Variants in SLC36A2 observed in about 807,000 individuals in gnomAD.
SLC36A2 encodes proton-coupled amino acid transporter 2.
Under a neutral mutation model 42.7 loss-of-function variants are expected in SLC36A2, and 39 were observed. That is an observed-to-expected ratio of 0.91 (90% CI 0.71 to 1.19). The LOEUF is 1.19. Ranked by LOEUF, SLC36A2 falls within the 50% of genes most tolerant of loss-of-function variation. The pLI is 0.00. For synonymous variants in SLC36A2, 237 were observed against 240.8 expected, an observed-to-expected ratio of 0.98 and a Z score of 0.15; for missense variants, 590 against 613.7, an observed-to-expected ratio of 0.96 and a Z score of 0.41.
intron 7 of SLC36A2, among the ~76,000 whole-genome samples, chr5:151,326,721 C>A (rs1020195742): frequency 6.6e-6 from 1 of 152,154 alleles, no homozygotes; most frequent in Non-Finnish European, 1.5e-5. Flanking sequence ...CCTTCTCCTA[C>A]TCCTTGTTCA....
chr5:151,321,150 T>G (rs1433003301), intron 9 of SLC36A2, among the ~76,000 whole-genome samples: 1 of 27,178 alleles, frequency 3.7e-5, no homozygotes, highest in African/African-American at 1.5e-4. Context: ...ATGATTTATT[T>G]ATTTATTTAT....
intron 7 of SLC36A2, among the ~76,000 whole-genome samples, chr5:151,327,048 C>G (rs1755873362): frequency 6.6e-6 from 1 of 152,074 alleles, no homozygotes; most frequent in South Asian, 2.1e-4. Context: ...CTCTTGGGCT[C>G]AAGCGATCCT....
intron 1 of SLC36A2, 113 bp downstream of exon 1, chr5:151,347,184 G>T: frequency 1.5e-6 from 2 of 1,324,566 alleles, no homozygotes; most frequent in African/African-American, 1.4e-5. Context: ...TTGCAACCTT[G>T]GTTTCTCATC....
intron 8 of SLC36A2, among the ~76,000 whole-genome samples, chr5:151,324,018 G>C (rs932057899): frequency 1.3e-5 from 2 of 152,228 alleles, no homozygotes; most frequent in African/African-American, 4.8e-5. Flanking sequence ...CGCACAGTGG[G>C]ATGTGGGTTC....
Position 151,333,121 on chromosome 5 carries a change from C to T in SLC36A2, c.843+103G>A. On this transcript the variant is annotated intron_variant, in intron 7 of 9. Transcript: ENST00000335244. Reference sequence around the variant, plus strand: ...TCCCATGGGCATTTTCTAGCAGGCCCAAAACAATGGCCAGCGGGACACAGA... The same window carrying T: ...TCCCATGGGCATTTTCTAGCAGGCCTAAAACAATGGCCAGCGGGACACAGA... The T allele has an allele frequency of 3.6e-6, 4 of 1,096,322 alleles. 1 individual carries two copies. The highest frequency in any genetic ancestry group is 1.3e-5 in the South Asian group (1 of 79,418). 67.9% of individuals were successfully genotyped at this position (1,096,322 alleles called of 1,614,324 possible).
intron 7 of SLC36A2, among the ~76,000 whole-genome samples, chr5:151,331,616 A>T (rs246490): frequency 4.0e-5 from 6 of 151,790 alleles, no homozygotes; most frequent in Non-Finnish European, 1.5e-5. Flanking sequence ...CCATATCTAG[A>T]CATGACCCTA....
At chr5:151,338,219 A>G (rs971113116) in intron 5 of SLC36A2, among the ~76,000 whole-genome samples, 3 of 152,214 alleles carry the variant, frequency 2.0e-5, no homozygotes, top group African/African-American at 7.2e-5. Context: ...TATTACTGCT[A>G]TAAGCAGAAA....
At chr5:151,337,575 C>T (rs992653002) in intron 5 of SLC36A2, among the ~76,000 whole-genome samples, 4 of 152,194 alleles carry the variant, frequency 2.6e-5, no homozygotes, top group East Asian at 3.8e-4. Context: ...TAGGTCTGTA[C>T]ATGTCAGATT....
At chr5:151,331,508 A>G (rs1012829324) in intron 7 of SLC36A2, among the ~76,000 whole-genome samples, 2 of 151,708 alleles carry the variant, frequency 1.3e-5, no homozygotes, top group African/African-American at 4.8e-5. Context: ...TTGCAGAGAC[A>G]GGGTCTCTGT....
chr5:151,340,731 G>A (rs1181433866), intron 4 of SLC36A2, among the ~76,000 whole-genome samples: 1 of 152,188 alleles, frequency 6.6e-6, no homozygotes, highest in Admixed American at 6.5e-5. Context: ...GGTCTTTTAG[G>A]ACATTGCTTG....
chr5:151,347,055 G>A (rs1246198760), intron 1 of SLC36A2, among the ~76,000 whole-genome samples: 1 of 152,202 alleles, frequency 6.6e-6, no homozygotes, highest in Non-Finnish European at 1.5e-5. Flanking sequence ...GTGGTCCAGG[G>A]TAATTGAGCC....
chr5:151,344,816 CTAG>C (rs1756448802), intron 1 of SLC36A2, among the ~76,000 whole-genome samples: 1 of 152,096 alleles, frequency 6.6e-6, no homozygotes, highest in African/African-American at 2.4e-5. Flanking sequence ...TGTCATAAAA[CTAG>C]TAGTAGAGAC....
At chr5:151,323,254 G>GATAAATAAATAAATAAATAA (rs58446194) in intron 8 of SLC36A2, among the ~76,000 whole-genome samples, 9 of 141,410 alleles carry the variant, frequency 6.4e-5, no homozygotes, top group Non-Finnish European at 1.1e-4. Context: ...TAGATAGATA[G>GATAAATAAATAAATAAATAA]ATAAATAAAT....
intron 8 of SLC36A2, 121 bp downstream of exon 8, chr5:151,325,165 C>T (rs1449397033): frequency 8.4e-7 from 1 of 1,197,234 alleles, no homozygotes; most frequent in South Asian, 1.3e-5. Flanking sequence ...AATGACAATT[C>T]TGCTTCTTCT....
intron 6 of SLC36A2, among the ~76,000 whole-genome samples, chr5:151,334,801 T>G (rs1292518397): frequency 6.6e-6 from 1 of 152,174 alleles, no homozygotes; most frequent in African/African-American, 2.4e-5. Context: ...ACATTATAAC[T>G]AACATTATAA....
chr5:151,322,160 G>A lies in SLC36A2; in HGVS notation c.1066C>T (p.Leu356=), dbSNP rs1465453931. The part of the protein sequence containing the change: ...YIAGILCTYA[L]QFYVPAEIII... ...ATTTCTGCAGGGACGTAGAACTGCAGGGCATAGGTGCACAGGATGCCGGCA... is the reference window on the plus strand; with the variant it reads ...ATTTCTGCAGGGACGTAGAACTGCAAGGCATAGGTGCACAGGATGCCGGCA... The change falls in exon 9 of 10, where the codon CTG becomes TTG. Residue 356 remains leucine (L), a synonymous_variant. Transcript: ENST00000335244. 4 of 1,614,054 alleles carry A rather than the reference G, an allele frequency of 2.5e-6. No homozygotes were observed. The African/African-American group carries it at 4.0e-5, about 16-fold the overall frequency.
Position 151,335,466 on chromosome 5 carries a change from G to A in SLC36A2, c.607C>T (p.Leu203Phe), listed in dbSNP as rs369705329. The A allele has an allele frequency of 3.0e-5, 48 of 1,614,070 alleles. No homozygotes were observed. Among genetic ancestry groups the A allele is most frequent in the Non-Finnish European group, 3.9e-5 (46 of 1,180,032 alleles). Residue 203 changes from leucine to phenylalanine, a missense_variant, in exon 6 of 10, where the codon CTC becomes TTC. Coordinates refer to ENST00000335244, the MANE Select transcript of SLC36A2 (RefSeq NM_181776.3). ...AAGGGCAGGAAGGAGAGCATGTAGA[G>A]TCGCGAGTCCATGGTGGGGGTCAGA... ...VILTPTMDSR[L>F]YMLSFLPFLV...
rs184339675 is a variant in SLC36A2, at chr5:151,337,855, C to A, written c.525+1205G>T. Among the ~76,000 whole-genome samples the A allele has an allele frequency of 4.7e-3, 720 of 152,174 alleles. 5 individuals are homozygous for A. The highest frequency in any genetic ancestry group is 0.016 in the African/African-American group (682 of 41,524). On this transcript the variant is annotated intron_variant, in intron 5 of 9. Transcript: ENST00000335244. ...TATAAGGATATTGCAAAATACTGAC[C>A]AGTTAAGGTTACATTAAATTATAAC...
intron 4 of SLC36A2, among the ~76,000 whole-genome samples, chr5:151,339,968 G>GTTTC (rs1756274123): frequency 1.3e-5 from 2 of 152,120 alleles, no homozygotes; most frequent in African/African-American, 4.8e-5. Flanking sequence ...TGGGCAGACA[G>GTTTC]AAAGCCTTGT....
Sources: gnomAD v4.1 joint callset for allele counts (sites outside exome capture counted in the v4.1 genomes callset) on GRCh38, gnomAD v4.1.1 for gene constraint, MANE v1.5 for transcripts, NCBI Gene and HGNC (gene_info 2026-07-23, HGNC 2026-07-21) for gene names.